Variants in SPATA13 observed in about 807,000 individuals in gnomAD.
SPATA13 encodes spermatogenesis associated 13.
In SPATA13, 50 loss-of-function variants were observed where a neutral mutation model predicts 104.0. That is an observed-to-expected ratio of 0.48 (90% CI 0.38 to 0.61). The LOEUF (loss-of-function observed/expected upper bound fraction) is 0.61, where lower values mean the gene tolerates loss of function less well. Ranked by LOEUF, SPATA13 falls within the 20% of genes least tolerant of loss-of-function variation. The pLI is 0.00. For synonymous variants in SPATA13, 606 were observed against 667.5 expected, an observed-to-expected ratio of 0.91 and a Z score of 1.42; for missense variants, 1,524 against 1,690.6, an observed-to-expected ratio of 0.90 and a Z score of 1.73.
chr13:24,017,344 G>A (rs191261503), intron 2 of SPATA13, among the ~76,000 whole-genome samples: 4 of 152,238 alleles, frequency 2.6e-5, no homozygotes, highest in African/African-American at 4.8e-5. Flanking sequence ...GTAAGCCCAC[G>A]TGCTTGACCT....
chr13:23,984,148 C>T (rs915472090), intron 2 of SPATA13, among the ~76,000 whole-genome samples: 5 of 152,186 alleles, frequency 3.3e-5, no homozygotes, highest in African/African-American at 1.2e-4. Flanking sequence ...GGGTCTAGGG[C>T]GAAGCCTGCA....
intron 3 of SPATA13, among the ~76,000 whole-genome samples, chr13:24,139,201 C>T (rs6490872): frequency 0.54 from 81,969 of 151,798 alleles, 22,369 homozygotes; most frequent in Admixed American, 0.61. Flanking sequence ...AGCTTTTTCC[C>T]ATGTGTCTCT....
intron 2 of SPATA13, among the ~76,000 whole-genome samples, chr13:23,991,473 T>TGAATTTC (rs1353413033): frequency 8.5e-5 from 13 of 152,226 alleles, no homozygotes; most frequent in African/African-American, 2.9e-4. Context: ...CTTGCTCCTC[T>TGAATTTC]TTTCTCCTTG....
intron 1 of SPATA13, among the ~76,000 whole-genome samples, chr13:24,199,328 G>A (rs926245581): frequency 6.6e-6 from 1 of 152,182 alleles, no homozygotes; most frequent in African/African-American, 2.4e-5. Context: ...TAGATGGCCT[G>A]TTCTCTGTAA....
upstream of SPATA13, among the ~76,000 whole-genome samples, chr13:24,159,130 T>TA (rs1435019237): frequency 6.0e-5 from 2 of 33,512 alleles, no homozygotes; most frequent in Admixed American, 3.1e-4. Flanking sequence ...TAGACCGTGA[T>TA]ATTTTTTTTT....
chr13:24,034,916 A>C (rs1877623913), intron 3 of SPATA13: 1 of 152,202 alleles, frequency 6.6e-6, no homozygotes, highest in Non-Finnish European at 1.5e-5. Context: ...GGCCAGGCTA[A>C]ATTCAGGCTG....
chr13:24,032,512 A>C (rs945094086), intron 3 of SPATA13, among the ~76,000 whole-genome samples: 1 of 152,214 alleles, frequency 6.6e-6, no homozygotes, highest in Non-Finnish European at 1.5e-5. Flanking sequence ...AGATTTCATA[A>C]GGAGTCGTTA....
intron 3 of SPATA13, among the ~76,000 whole-genome samples, chr13:24,130,637 C>T (rs577677043): frequency 1.3e-5 from 2 of 152,270 alleles, no homozygotes; most frequent in African/African-American, 2.4e-5. Context: ...TGTCCATGTT[C>T]CCTAAGTGAA....
At chr13:23,994,584 C>A (rs965985330) in intron 2 of SPATA13, among the ~76,000 whole-genome samples, 3 of 152,224 alleles carry the variant, frequency 2.0e-5, no homozygotes, top group African/African-American at 7.2e-5. Flanking sequence ...CGCTAATTAT[C>A]CACAACTAGG....
chr13:24,061,687 G>A (rs573709572), intron 3 of SPATA13, among the ~76,000 whole-genome samples: 32 of 152,204 alleles, frequency 2.1e-4, no homozygotes, highest in African/African-American at 7.5e-4. Flanking sequence ...GTGAAGACCA[G>A]GAGGGGAACA....
At chr13:24,165,790 G>A (rs1348856945) in intron 1 of SPATA13, among the ~76,000 whole-genome samples, 1 of 152,196 alleles carries the variant, frequency 6.6e-6, no homozygotes, top group Non-Finnish European at 1.5e-5. Flanking sequence ...ACAGTCCATT[G>A]TACTTGAGTG....
At chr13:23,988,431 G>T (rs1360937871) in intron 2 of SPATA13, among the ~76,000 whole-genome samples, 1 of 152,150 alleles carries the variant, frequency 6.6e-6, no homozygotes, top group East Asian at 1.9e-4. Flanking sequence ...GTTCTCTGTG[G>T]ATAGGCTTTC....
intron 1 of SPATA13, among the ~76,000 whole-genome samples, chr13:24,201,521 A>G (rs961725286): frequency 6.6e-6 from 1 of 151,828 alleles, no homozygotes; most frequent in East Asian, 1.9e-4. Flanking sequence ...ACTCACTGCA[A>G]CCTCCGCCTC....
At chr13:24,168,498 C>T (rs990758328) in intron 1 of SPATA13, among the ~76,000 whole-genome samples, 1 of 152,142 alleles carries the variant, frequency 6.6e-6, no homozygotes, top group Admixed American at 6.5e-5. Flanking sequence ...AGAATTGATT[C>T]ACTATATTTT....
chr13:24,167,891 G>A (rs1449112860), intron 1 of SPATA13, among the ~76,000 whole-genome samples: 2 of 152,020 alleles, frequency 1.3e-5, no homozygotes, highest in African/African-American at 4.8e-5. Context: ...CAACTGCATC[G>A]GCCCTGACAC....
At chr13:24,266,493 C>G (rs2138687678) in intron 4 of SPATA13, among the ~76,000 whole-genome samples, 1 of 152,266 alleles carries the variant, frequency 6.6e-6, no homozygotes, top group East Asian at 1.9e-4. Flanking sequence ...CTATGTTGCT[C>G]TGGCTGGTCT....
chr13:24,267,328 T>G (rs941885464), intron 4 of SPATA13, among the ~76,000 whole-genome samples: 1 of 152,236 alleles, frequency 6.6e-6, no homozygotes, highest in Non-Finnish European at 1.5e-5. Flanking sequence ...AGAAGATGCC[T>G]GATTTCAAGG....
upstream of SPATA13, among the ~76,000 whole-genome samples, chr13:24,156,460 C>T (rs1342083205): frequency 1.3e-5 from 2 of 152,184 alleles, no homozygotes; most frequent in East Asian, 3.9e-4. Flanking sequence ...GTCCTTTGGC[C>T]TTGATGACCC....
chr13:24,094,381 G>A (rs756025), intron 3 of SPATA13, among the ~76,000 whole-genome samples: 127,483 of 152,082 alleles, frequency 0.84, 53,744 homozygotes, highest in Middle Eastern at 0.89. Context: ...TGTGAAAAAC[G>A]GATCAACATT....
Sources: allele counts gnomAD v4.1 joint callset (sites outside exome capture counted in the v4.1 genomes callset), GRCh38; gene constraint gnomAD v4.1.1; transcripts MANE v1.5; gene names NCBI Gene and HGNC (gene_info 2026-07-23, HGNC 2026-07-21).